Variants in FOXO3B observed in about 807,000 individuals in gnomAD.
The protein encoded by FOXO3B is forkhead box protein O3B.
A neutral mutation model predicts 21.9 loss-of-function variants in FOXO3B; 15 were observed. The observed-to-expected ratio is 0.68, with a 90% CI of 0.46 to 1.05. FOXO3B has a LOEUF of 1.05. Among genes scored for constraint, FOXO3B ranks in the 50% least tolerant of loss-of-function variants. The pLI is 0.00. For missense variants in FOXO3B, 293 were observed against 435.5 expected (o/e 0.67, Z 2.91); for synonymous variants, 135 against 213.6 (o/e 0.63, Z 3.21).
chr17:18,672,953 G>A lies in FOXO3B; in HGVS notation c.229C>T (p.Pro77Ser). 5 of 1,522,782 alleles carry A rather than the reference G, an allele frequency of 3.3e-6. No individual in the cohort carries two copies. The highest frequency in any genetic ancestry group is 4.4e-6 in the Non-Finnish European group (5 of 1,137,764). The allele number at this position is 1,522,782 out of a possible 1,614,324, so 94.3% of individuals were successfully genotyped here. The change falls in exon 4 of 4, where the codon CCA becomes TCA. Residue 77 changes from proline to serine, a missense_variant. Pro to Ser is a moderately conservative substitution (Grantham distance 74). Around this residue, in one of 2 missense-constraint regions of FOXO3B, gnomAD observed 251 missense variants for 404.0 expected, o/e 0.62. Coordinates refer to ENST00000395675, the MANE Select transcript of FOXO3B (RefSeq NM_001368135.1). The surrounding 1 kb of genome is among the most constrained non-coding windows in gnomAD (Gnocchi z 4.2). ...TTCGCCGCCCGCCCGGCCGCGGCTG[G>A]GGTTCTCGCGCTCTCCTCTCGCGCC... ...APAREESART[P>S]AAAGRAAKMA...
intron 3 of FOXO3B, among the ~76,000 whole-genome samples, chr17:18,678,625 A>C (rs2649428): frequency 0.087 from 13,067 of 150,188 alleles, 736 homozygotes; most frequent in African/African-American, 0.16. Context: ...ATAAAATGCA[A>C]AAAGAACAAA....
intron 3 of FOXO3B, among the ~76,000 whole-genome samples, chr17:18,679,452 C>CTTAT: frequency 7.9e-6 from 1 of 127,380 alleles, no homozygotes; most frequent in African/African-American, 3.2e-5. Flanking sequence ...TCCTCCTCAA[C>CTTAT]TTTTTTTTTT....
intron 3 of FOXO3B, among the ~76,000 whole-genome samples, chr17:18,679,627 A>G (rs1032234678): frequency 2.0e-5 from 3 of 151,082 alleles, no homozygotes; most frequent in African/African-American, 7.3e-5. Flanking sequence ...TTTGTATTTT[A>G]AGTAAAGACG....
chr17:18,677,374 G>A lies in FOXO3B; in HGVS notation c.126+3367C>T, dbSNP rs559960933. On this transcript the variant is annotated intron_variant, in intron 3 of 3. Coordinates refer to ENST00000395675, the MANE Select transcript of FOXO3B (RefSeq NM_001368135.1). ...AACTTGGGCGCCAATGGCGAGATGT[G>A]CGTCAACGTGCTCAAGAGGGACTGG... 2.5e-6 allele frequency: 4 copies of A among 1,613,686 alleles called. No individual in the cohort carries two copies. In the African/African-American group the frequency reaches 4.0e-5, roughly 16 times the overall value.
chr17:18,680,937 G>A (rs1304779227), intron 2 of FOXO3B, 108 bp from the exon 3 acceptor site: 14 of 1,139,182 alleles, frequency 1.2e-5, no homozygotes, highest in Non-Finnish European at 1.8e-5. Context: ...CAAACACTGA[G>A]ACTGAAGGTA....
chr17:18,676,595 T>C (rs2032486848), intron 3 of FOXO3B, among the ~76,000 whole-genome samples: 1 of 152,254 alleles, frequency 6.6e-6, no homozygotes, highest in Non-Finnish European at 1.5e-5. Context: ...TATATATCTC[T>C]GTGTATACAC....
chr17:18,672,061 G>A lies in FOXO3B; in HGVS notation c.*248C>T. ...TGACGTGGGGCTGCCAGACCACTTG[G>A]AGAGCTGGGAGGGACTGTCGTCAGC... is the stretch of plus-strand genomic sequence containing the variant. On this transcript the variant is annotated 3_prime_UTR_variant, in exon 4 of 4. Transcript: ENST00000395675. This position sits in a 1 kb window ranked among gnomAD's most constrained non-coding sequence, Gnocchi z 4.2. 3 of 1,611,046 alleles carry A rather than the reference G, an allele frequency of 1.9e-6. No homozygotes were observed. The South Asian group carries it at 3.3e-5, about 18-fold the overall frequency.
intron 3 of FOXO3B, chr17:18,677,905 GAAAAGC>G: frequency 1.2e-5 from 1 of 80,894 alleles, no homozygotes; most frequent in Non-Finnish European, 1.9e-5. Flanking sequence ...AATAAAGTTG[GAAAAGC>G]AAAAAAAAAA....
At chr17:18,677,330 G>T (rs2032507355) in intron 3 of FOXO3B, 9 of 1,613,714 alleles carry the variant, frequency 5.6e-6, no homozygotes, top group Non-Finnish European at 7.6e-6. Context: ...GCTACTTCCT[G>T]ACCAAGATCT....
rs980326300 is a variant in FOXO3B at position 18,671,794 on chromosome 17, A to C, written c.*515T>G. 1.2e-6 allele frequency: 2 copies of C among 1,611,436 alleles called. No homozygotes were observed. Among genetic ancestry groups the C allele is most frequent in the Non-Finnish European group, 1.7e-6 (2 of 1,178,216 alleles). The stretch of plus-strand genomic sequence containing the variant: ...AGGTTTTCAGTCAGCCCCATCATTC[A>C]GATTCATGGTGCCTGCCATGTCAGT... On this transcript the variant is annotated 3_prime_UTR_variant, in exon 4 of 4. Coordinates refer to ENST00000395675, the MANE Select transcript of FOXO3B (RefSeq NM_001368135.1).
At chr17:18,680,566 TA>T (rs1442341326) in intron 3 of FOXO3B, among the ~76,000 whole-genome samples, 174 bp downstream of exon 3, 2 of 150,818 alleles carry the variant, frequency 1.3e-5, no homozygotes, top group Admixed American at 6.6e-5. Flanking sequence ...TCCAGTGTTA[TA>T]AGTAGAAAAC....
In FOXO3B at chr17:18,674,494, C is replaced by T. The variant is rs527821103; in HGVS notation, c.127-1439G>A. Among the ~76,000 whole-genome samples the T allele has an allele frequency of 6.6e-4, 100 of 150,402 alleles. 1 individual carries two copies. The highest frequency in any genetic ancestry group is 2.1e-3 in the African/African-American group (85 of 40,846). On this transcript the variant is annotated intron_variant, in intron 3 of 3. Coordinates refer to ENST00000395675, the MANE Select transcript of FOXO3B (RefSeq NM_001368135.1). ...CAAAAAAATTAGCCGGGTGTGGTGG[C>T]GGGCACCTGTAGTCCCAGCTACTCA...
chr17:18,680,672 A>G, intron 3 of FOXO3B, 69 bp downstream of exon 3: 1 of 1,421,932 alleles, frequency 7.0e-7, no homozygotes, highest in Admixed American at 2.0e-5. Flanking sequence ...ACTCCACATC[A>G]CAAAGAAGGG....
intron 3 of FOXO3B, among the ~76,000 whole-genome samples, chr17:18,673,686 C>T (rs1408655245): frequency 2.0e-5 from 3 of 151,610 alleles, no homozygotes; most frequent in Non-Finnish European, 4.4e-5. Context: ...TGTCTGTTAC[C>T]GTGAAGGCAG....
chr17:18,673,160 G>A, intron 3 of FOXO3B, 105 bp from the exon 4 acceptor site: 2 of 1,309,232 alleles, frequency 1.5e-6, no homozygotes, highest in Non-Finnish European at 1.9e-6. Context: ...GTCTTGCCGC[G>A]CCCGCCTCCC....
Position 18,680,826 on chromosome 17 carries a change from A to G in FOXO3B, c.41T>C (p.Leu14Pro), listed in dbSNP as rs762036783. ...GAAATGGGGAGAATCCTGGGAAGAC[A>G]GAACTAACGACAAGAAAGCAGTAAT... Reference protein sequence around the residue: ...DLAEMPEKGVLSSQDSPHFQE... With the variant: ...DLAEMPEKGVPSSQDSPHFQE... The change falls in exon 3 of 4, where the codon CTG becomes CCG. Residue 14 changes from leucine (L) to proline (P), a missense_variant. Leu to Pro is a moderately conservative substitution (Grantham distance 98). Coordinates refer to ENST00000395675, the MANE Select transcript of FOXO3B (RefSeq NM_001368135.1). 1.3e-4 allele frequency: 202 copies of G among 1,598,888 alleles called. 1 individual carries two copies. The highest frequency in any genetic ancestry group is 1.6e-4 in the Non-Finnish European group (190 of 1,169,990).
chr17:18,676,894 G>C (rs1192655446), intron 3 of FOXO3B, among the ~76,000 whole-genome samples: 2 of 152,086 alleles, frequency 1.3e-5, no homozygotes, highest in Non-Finnish European at 2.9e-5. Flanking sequence ...GTAGAGACGG[G>C]GTTTCACCAT....
intron 3 of FOXO3B, among the ~76,000 whole-genome samples, chr17:18,674,607 C>T (rs1367589605): frequency 3.5e-5 from 4 of 113,024 alleles, no homozygotes; most frequent in Admixed American, 1.1e-4. Flanking sequence ...GCCTGGGAAA[C>T]AAAGCGAGAC....
Position 18,671,845 on chromosome 17 carries a change from G to A in FOXO3B, c.*464C>T, listed in dbSNP as rs1441589474. ...CAGCCGTAGCAGTTCCACCGTGCAC[G>A]GCTTGCTTACTGAAGGTGACAGGCT... On this transcript the variant is annotated 3_prime_UTR_variant, in exon 4 of 4. Transcript: ENST00000395675. 2.5e-6 allele frequency: 4 copies of A among 1,611,860 alleles called. No individual in the cohort carries two copies. The African/African-American group carries it at 5.3e-5, about 22-fold the overall frequency.
Sources: gnomAD v4.1 joint callset for allele counts (sites outside exome capture counted in the v4.1 genomes callset) on GRCh38, gnomAD v4.1.1 for gene constraint, gnomAD v4.1.1 regional missense constraint, Gnocchi (gnomAD v3.1) non-coding constraint, MANE v1.5 for transcripts, NCBI Gene and HGNC (gene_info 2026-07-23, HGNC 2026-07-21) for gene names.